ANO2: variants seen among roughly 807,000 people sequenced by gnomAD.
ANO2 encodes the protein anoctamin-2.
ANO2 carries 101 observed loss-of-function variants against 124.2 expected under a neutral mutation model. That is an observed-to-expected ratio of 0.81 (90% confidence interval 0.69 to 0.96). The LOEUF is 0.96. ANO2 is among the 40% of genes least tolerant of loss of function. The pLI, the probability that ANO2 is intolerant of heterozygous loss-of-function variation, is 0.00. For synonymous variants in ANO2, 486 were observed against 482.5 expected (o/e 1.01, Z -0.09); for missense variants, 1,293 against 1,274.5 (o/e 1.01, Z -0.22).
intron 1 of ANO2, among the ~76,000 whole-genome samples, chr12:5,930,085 TCTAC>T (rs1330922868): frequency 7.9e-6 from 1 of 125,794 alleles, no homozygotes; most frequent in African/African-American, 2.7e-5. Flanking sequence ...TCCTCACTCG[TCTAC>T]CTTCTTTCCT....
chr12:5,893,539 G>A (rs997216795), intron 3 of ANO2, among the ~76,000 whole-genome samples: 9 of 146,742 alleles, frequency 6.1e-5, no homozygotes, highest in East Asian at 5.9e-4. Flanking sequence ...TGTGCAGAAC[G>A]TGGAGGTTTG....
intron 4 of ANO2, among the ~76,000 whole-genome samples, chr12:5,841,178 C>T (rs979748425): frequency 6.6e-6 from 1 of 152,224 alleles, no homozygotes; most frequent in African/African-American, 2.4e-5. Flanking sequence ...TGCACATTCA[C>T]GCATGCAAGA....
At chr12:5,880,896 G>A (rs1435010673) in intron 3 of ANO2, among the ~76,000 whole-genome samples, 1 of 71,906 alleles carries the variant, frequency 1.4e-5, no homozygotes, top group Non-Finnish European at 3.0e-5. Context: ...GGATGGGTAG[G>A]TGGGGGATGG....
intron 16 of ANO2, among the ~76,000 whole-genome samples, chr12:5,629,147 T>C (rs764794810): frequency 3.9e-5 from 6 of 152,094 alleles, no homozygotes; most frequent in Admixed American, 6.5e-5. Context: ...CTTGGAGAGG[T>C]TGGACGGCGA....
chr12:5,785,318 C>T (rs1952510390), intron 10 of ANO2, among the ~76,000 whole-genome samples: 1 of 152,050 alleles, frequency 6.6e-6, no homozygotes, highest in Non-Finnish European at 1.5e-5. Context: ...CACGCAGCTA[C>T]AAAGCCTGAG....
chr12:5,823,890 G>C (rs949086860), intron 7 of ANO2, among the ~76,000 whole-genome samples: 24 of 152,218 alleles, frequency 1.6e-4, no homozygotes, highest in Admixed American at 1.3e-4. Context: ...CTCAATTCTT[G>C]ACTTCTGTGC....
At chr12:5,679,634 A>G (rs1011219963) in intron 14 of ANO2, among the ~76,000 whole-genome samples, 1 of 152,218 alleles carries the variant, frequency 6.6e-6, no homozygotes, top group Admixed American at 6.5e-5. Flanking sequence ...AAAGTCAAAA[A>G]ACAACAGATG....
chr12:5,945,912 G>GTCAA (rs1943082613), upstream of ANO2, among the ~76,000 whole-genome samples: 1 of 152,224 alleles, frequency 6.6e-6, no homozygotes, highest in Admixed American at 6.5e-5. Flanking sequence ...GGTTAAGGAA[G>GTCAA]GTTGAGGGAG....
In ANO2 at chr12:5,697,440, T is replaced by A. The variant is rs552034952; in HGVS notation, c.1545+35080A>T. Among the ~76,000 whole-genome samples the A allele has an allele frequency of 4.0e-5, 6 of 151,728 alleles. No individual in the cohort carries two copies. The East Asian group carries it at 9.7e-4, about 24-fold the overall frequency. ...GAGCAAGACTCAGTCTCAAAAAAAA[T>A]AAATAAATAAAATTAAAAAATTAAA... is the stretch of plus-strand genomic sequence containing the variant. On this transcript the variant is annotated intron_variant, in intron 14 of 24. Transcript: ENST00000682330.
intron 10 of ANO2, among the ~76,000 whole-genome samples, chr12:5,756,071 G>A (rs776890065): frequency 1.3e-5 from 2 of 151,682 alleles, no homozygotes; most frequent in South Asian, 2.1e-4. Flanking sequence ...CTGTTCTTCC[G>A]ACTGGATAAT....
At chr12:5,744,094 C>G in intron 12 of ANO2, 63 bp downstream of exon 12, 1 of 1,593,926 alleles carries the variant, frequency 6.3e-7, no homozygotes, top group Admixed American at 1.7e-5. Flanking sequence ...AGCTTTACAG[C>G]TTGGTCACTG....
intron 10 of ANO2, among the ~76,000 whole-genome samples, chr12:5,770,669 C>T (rs1463625068): frequency 6.6e-6 from 1 of 152,186 alleles, no homozygotes; most frequent in East Asian, 1.9e-4. Context: ...TACCCTTGCC[C>T]CATGCAATCT....
chr12:5,608,565 A>G (rs1360819734), intron 19 of ANO2, among the ~76,000 whole-genome samples: 2 of 152,136 alleles, frequency 1.3e-5, no homozygotes, highest in African/African-American at 4.8e-5. Context: ...CACCTTACAT[A>G]TGATTTTAAT....
chr12:5,805,170 T>A (rs749694566), intron 9 of ANO2, among the ~76,000 whole-genome samples: 1 of 152,222 alleles, frequency 6.6e-6, no homozygotes, highest in African/African-American at 2.4e-5. Context: ...AGACCTTTTA[T>A]GTTTTTAATA....
chr12:5,879,540 G>A (rs546937189), intron 3 of ANO2, among the ~76,000 whole-genome samples: 34 of 152,210 alleles, frequency 2.2e-4, no homozygotes, highest in African/African-American at 7.7e-4. Context: ...TATCTAGGAG[G>A]GAAACAGACA....
At chr12:5,896,007 T>C (rs1456005181) in intron 3 of ANO2, among the ~76,000 whole-genome samples, 1 of 152,184 alleles carries the variant, frequency 6.6e-6, no homozygotes, top group Non-Finnish European at 1.5e-5. Context: ...CTGGAGGCCA[T>C]TATTCTAAGT....
chr12:5,930,896 C>G (rs1385631196), intron 1 of ANO2, among the ~76,000 whole-genome samples: 2 of 152,176 alleles, frequency 1.3e-5, no homozygotes, highest in Non-Finnish European at 2.9e-5. Context: ...TATCCGCCTC[C>G]TGGGCTCTGC....
chr12:5,631,557 G>A (rs1023002011), intron 16 of ANO2, among the ~76,000 whole-genome samples: 15 of 152,170 alleles, frequency 9.9e-5, no homozygotes, highest in Admixed American at 1.3e-4. Flanking sequence ...TGCCTGGCAC[G>A]GAGCAAGCAC....
At position 5,635,463 on chromosome 12, in the gene ANO2, G is replaced by T. The variant is rs1945965952; in HGVS notation, c.1621-116C>A. On this transcript the variant is annotated intron_variant, in intron 15 of 24. Coordinates refer to ENST00000682330, the MANE Select transcript of ANO2 (RefSeq NM_001364791.2). This position sits in a 1 kb window ranked among gnomAD's most constrained non-coding sequence, Gnocchi z 5.2. ...AGATATTATTAATCTGGAATCTTTT[G>T]TTGGGTAACAAGGGATTCCAGATAT... 5.7e-6 allele frequency: 5 copies of T among 876,454 alleles called. No homozygotes were observed. Among genetic ancestry groups the T allele is most frequent in the African/African-American group, 5.2e-5 (3 of 57,712 alleles). The allele number at this position is 876,454 out of a possible 1,614,324, so 54.3% of individuals were successfully genotyped here.
Sources: gnomAD v4.1 joint callset for allele counts (sites outside exome capture counted in the v4.1 genomes callset) on GRCh38, gnomAD v4.1.1 for gene constraint, Gnocchi (gnomAD v3.1) non-coding constraint, MANE v1.5 for transcripts, NCBI Gene and HGNC (gene_info 2026-07-23, HGNC 2026-07-21) for gene names.